ADD2: variants seen among roughly 807,000 people sequenced by gnomAD.
ADD2 encodes the protein beta-adducin.
A neutral mutation model predicts 83.0 loss-of-function variants in ADD2; 23 were observed. That is an observed-to-expected ratio of 0.28 (90% CI 0.20 to 0.39). The LOEUF is 0.39. Ranked by LOEUF, ADD2 falls within the 10% of genes least tolerant of loss-of-function variation. The pLI, the probability that ADD2 is intolerant of heterozygous loss-of-function variation, is 1.00. For synonymous variants in ADD2, 375 were observed against 375.4 expected (o/e 1.00, Z 0.01); for missense variants, 758 against 944.9 (o/e 0.80, Z 2.59).
At chr2:70,731,573 G>A (rs1394359987) in intron 1 of ADD2, among the ~76,000 whole-genome samples, 16 of 152,206 alleles carry the variant, frequency 1.1e-4, no homozygotes, top group Non-Finnish European at 1.5e-5. Context: ...ATAGCGTTAA[G>A]AGGTGTGCTC....
chr2:70,669,574 T>C (rs1267525153), intron 15 of ADD2, among the ~76,000 whole-genome samples: 1 of 152,210 alleles, frequency 6.6e-6, no homozygotes, highest in Admixed American at 6.5e-5. Flanking sequence ...AGTACCCAAA[T>C]ATACTTTCAG....
chr2:70,688,787 GAA>G (rs759808242), intron 8 of ADD2, among the ~76,000 whole-genome samples: 4 of 152,150 alleles, frequency 2.6e-5, no homozygotes, highest in Non-Finnish European at 5.9e-5. Flanking sequence ...TTATAGAAAA[GAA>G]AATAAAAGCC....
At chr2:70,751,621 G>A (rs1203053805) in intron 1 of ADD2, among the ~76,000 whole-genome samples, 2 of 152,132 alleles carry the variant, frequency 1.3e-5, no homozygotes, top group African/African-American at 4.8e-5. Context: ...GCTTACTAAA[G>A]ATTTCCTTTA....
At chr2:70,746,950 G>A (rs1553382103) in intron 1 of ADD2, among the ~76,000 whole-genome samples, 1 of 151,426 alleles carries the variant, frequency 6.6e-6, no homozygotes, top group South Asian at 2.1e-4. Flanking sequence ...AGTGCTGAGA[G>A]ACAGCAAAGA....
At chr2:70,724,602 G>A (rs79932626) in intron 1 of ADD2, among the ~76,000 whole-genome samples, 3,872 of 152,316 alleles carry the variant, frequency 0.025, 92 homozygotes, top group Admixed American at 0.063. Flanking sequence ...CATCACTCTT[G>A]TGGCTCTAGG....
At chr2:70,707,096 G>T (rs891539219) in intron 2 of ADD2, among the ~76,000 whole-genome samples, 2 of 152,222 alleles carry the variant, frequency 1.3e-5, no homozygotes, top group Non-Finnish European at 2.9e-5. Context: ...CTACTGAAAC[G>T]TGGGAAGCGC....
chr2:70,727,720 C>T lies in ADD2; in HGVS notation c.-153-14536G>A, dbSNP rs10189042. 5.7e-3 allele frequency among the ~76,000 whole-genome samples: 862 copies of T among 152,018 alleles called. 6 individuals are homozygous for T. The highest frequency in any genetic ancestry group is 0.019 in the African/African-American group (808 of 41,466). ...GACTAGCCTGGCCAACATGGTGAAA[C>T]CCTGTCTCTACTAAAATATACAAAA... On this transcript the variant is annotated intron_variant, in intron 1 of 15. Coordinates refer to ENST00000264436, the MANE Select transcript of ADD2 (RefSeq NM_001617.4).
chr2:70,674,867 G>A (rs181884733), intron 13 of ADD2, 42 bp from the exon 14 acceptor site: 58 of 1,590,944 alleles, frequency 3.6e-5, no homozygotes, highest in African/African-American at 2.2e-4. Context: ...TCTGAACGCC[G>A]CAGTTGGGGT....
intron 14 of ADD2, among the ~76,000 whole-genome samples, chr2:70,673,906 G>C (rs1474182411): frequency 2.0e-5 from 3 of 152,210 alleles, no homozygotes; most frequent in Admixed American, 2.0e-4. Context: ...TTTTTTAAGT[G>C]TCTGCTTTGT....
At chr2:70,709,988 C>A (rs1323314370) in intron 2 of ADD2, among the ~76,000 whole-genome samples, 1 of 152,244 alleles carries the variant, frequency 6.6e-6, no homozygotes, top group Non-Finnish European at 1.5e-5. Flanking sequence ...TCTGGGCAGG[C>A]AGCACGGCAG....
At chr2:70,741,247 A>G (rs530272413) in intron 1 of ADD2, 1 of 152,274 alleles carries the variant, frequency 6.6e-6, no homozygotes, top group South Asian at 2.1e-4. Flanking sequence ...CCAGTGAGAA[A>G]CTCCCTGTAA....
chr2:70,712,681 G>C (rs373790708), intron 2 of ADD2, among the ~76,000 whole-genome samples: 6 of 151,996 alleles, frequency 3.9e-5, no homozygotes, highest in African/African-American at 1.5e-4. Context: ...TAGGAAACCA[G>C]GTGGTTGTTA....
At chr2:70,723,889 G>A (rs114572312) in intron 1 of ADD2, among the ~76,000 whole-genome samples, 3 of 152,280 alleles carry the variant, frequency 2.0e-5, no homozygotes, top group Non-Finnish European at 2.9e-5. Flanking sequence ...AACCATGAAC[G>A]GTATAAGGAG....
chr2:70,666,145 C>T (rs1675793051), intron 15 of ADD2, among the ~76,000 whole-genome samples: 1 of 152,216 alleles, frequency 6.6e-6, no homozygotes, highest in African/African-American at 2.4e-5. Flanking sequence ...TCTCCTCCCC[C>T]TTCTACACTG....
chr2:70,716,306 G>C (rs1672464101), intron 1 of ADD2, among the ~76,000 whole-genome samples: 1 of 151,990 alleles, frequency 6.6e-6, no homozygotes, highest in East Asian at 1.9e-4. Context: ...CCAGCCCCCT[G>C]ACCTCTCTGC....
intron 11 of ADD2, 54 bp from the exon 12 acceptor site, chr2:70,677,931 T>A (rs1553368724): frequency 4.4e-6 from 7 of 1,607,006 alleles, no homozygotes; most frequent in African/African-American, 1.3e-5. Flanking sequence ...CCATGAGTCC[T>A]CCCCAGTGGT....
In ADD2 at chr2:70,658,968, C is replaced by T. The variant is rs1382187866; in HGVS notation, c.*4457G>A. ...GACCAGCCTGGCCAACATGGTGAAA[C>T]CCCGTCTCTACTAAAAATACAAAAA... On this transcript the variant is annotated 3_prime_UTR_variant, in exon 16 of 16. Coordinates refer to ENST00000264436, the MANE Select transcript of ADD2 (RefSeq NM_001617.4). The T allele has an allele frequency of 6.6e-6, 1 of 151,848 alleles. No individual in the cohort carries two copies. The highest frequency in any genetic ancestry group is 1.5e-5 in the Non-Finnish European group (1 of 67,974). The allele number at this position is 151,848 out of a possible 1,614,324, so 9.4% of individuals were successfully genotyped here.
chr2:70,721,937 AAT>A (rs1672747961), intron 1 of ADD2, among the ~76,000 whole-genome samples: 1 of 152,228 alleles, frequency 6.6e-6, no homozygotes, highest in African/African-American at 2.4e-5. Flanking sequence ...CAAATCTTAA[AAT>A]ATGACCCCCT....
rs991675601 is a variant in ADD2 at position 70,660,274 on chromosome 2, A to G, written c.*3151T>C. Reference sequence around the variant, plus strand: ...TAAAACTGGAAACATTAGCTCTTTGAATGCTCCCCTCTCCTTGTTGAAAAT... The same window carrying G: ...TAAAACTGGAAACATTAGCTCTTTGGATGCTCCCCTCTCCTTGTTGAAAAT... On this transcript the variant is annotated 3_prime_UTR_variant, in exon 16 of 16. Transcript: ENST00000264436. 6.6e-6 allele frequency: 1 copy of G among 152,204 alleles called. No individual in the cohort carries two copies. The highest frequency in any genetic ancestry group is 1.5e-5 in the Non-Finnish European group (1 of 68,048). 9.4% of individuals were successfully genotyped at this position (152,204 alleles called of 1,614,324 possible).
Sources: gnomAD v4.1 joint callset for allele counts (sites outside exome capture counted in the v4.1 genomes callset) on GRCh38, gnomAD v4.1.1 for gene constraint, MANE v1.5 for transcripts, NCBI Gene and HGNC (gene_info 2026-07-23, HGNC 2026-07-21) for gene names.